Variants in TMEM163 observed in about 807,000 individuals in gnomAD.
TMEM163 encodes transmembrane protein 163.
A neutral mutation model predicts 29.3 loss-of-function variants in TMEM163; 17 were observed. That is an observed-to-expected ratio of 0.58 (90% CI 0.40 to 0.87). The LOEUF is 0.87. TMEM163 is among the 40% of genes least tolerant of loss of function. The probability of loss-of-function intolerance (pLI) is 0.00; values close to 1 mark genes in which losing one functional copy is unlikely to be tolerated. For synonymous variants in TMEM163, 157 were observed against 160.6 expected, an observed-to-expected ratio of 0.98 and a Z score of 0.17; for missense variants, 303 against 381.5, an observed-to-expected ratio of 0.79 and a Z score of 1.71.
intron 2 of TMEM163, among the ~76,000 whole-genome samples, chr2:134,580,421 C>A (rs1355836596): frequency 1.3e-5 from 2 of 152,160 alleles, no homozygotes; most frequent in African/African-American, 4.8e-5. Flanking sequence ...CTATGTGGTG[C>A]TATAAAGTGT....
At chr2:134,568,134 A>G (rs921505252) in intron 2 of TMEM163, among the ~76,000 whole-genome samples, 3 of 152,250 alleles carry the variant, frequency 2.0e-5, no homozygotes, top group Non-Finnish European at 2.9e-5. Context: ...TAACTGATAT[A>G]TTGTGGGGTG....
chr2:134,683,145 C>G (rs1198146423), intron 2 of TMEM163, among the ~76,000 whole-genome samples: 1 of 152,128 alleles, frequency 6.6e-6, no homozygotes, highest in African/African-American at 2.4e-5. Context: ...AGTGAAGATA[C>G]TCTACATGAT....
chr2:134,563,152 C>T (rs1467649893), intron 2 of TMEM163, among the ~76,000 whole-genome samples: 2 of 152,280 alleles, frequency 1.3e-5, no homozygotes, highest in East Asian at 1.9e-4. Context: ...AGACAGACAC[C>T]GATACAAGAA....
chr2:134,509,739 T>C (rs1189968325), intron 4 of TMEM163, among the ~76,000 whole-genome samples: 1 of 152,116 alleles, frequency 6.6e-6, no homozygotes, highest in African/African-American at 2.4e-5. Context: ...CTTGTGAATG[T>C]GAAAATAGGC....
At chr2:134,673,032 C>T (rs145795106) in intron 2 of TMEM163, among the ~76,000 whole-genome samples, 5 of 152,162 alleles carry the variant, frequency 3.3e-5, no homozygotes, top group Non-Finnish European at 5.9e-5. Flanking sequence ...CCAAAGGCAT[C>T]CCATCACCCA....
chr2:134,474,944 CA>C (rs1686882416), intron 5 of TMEM163, among the ~76,000 whole-genome samples: 1 of 152,100 alleles, frequency 6.6e-6, no homozygotes, highest in East Asian at 1.9e-4. Context: ...CACCCTAAGC[CA>C]AATCCCAGCA....
rs746035113 is a variant in TMEM163 at position 134,458,145 on chromosome 2, C to T, written c.696G>A (p.Met232Ile). 2 of 1,614,122 alleles carry T rather than the reference C, an allele frequency of 1.2e-6. No homozygotes were observed. The highest frequency in any genetic ancestry group is 2.2e-5 in the South Asian group (2 of 91,070). The stretch of plus-strand genomic sequence containing the variant: ...CCGCGCTCAGAAGAATGGAGAAGCC[C>T]ATCACGCCACCCACGAGGGAGTTAA... ...DGFNSLVGGV[M>I]GFSILLSAEV... Residue 232 changes from methionine to isoleucine, a missense_variant, in exon 7 of 8, where the codon ATG (methionine) becomes ATA (isoleucine). Coordinates refer to ENST00000281924, the MANE Select transcript of TMEM163 (RefSeq NM_030923.5).
intron 5 of TMEM163, among the ~76,000 whole-genome samples, chr2:134,475,405 G>A (rs1462751737): frequency 6.6e-6 from 1 of 152,092 alleles, no homozygotes; most frequent in Non-Finnish European, 1.5e-5. Flanking sequence ...AGCTAAAACT[G>A]TAAAACTAAA....
At chr2:134,506,954 A>G (rs1414581914) in intron 4 of TMEM163, among the ~76,000 whole-genome samples, 1 of 152,134 alleles carries the variant, frequency 6.6e-6, no homozygotes, top group Non-Finnish European at 1.5e-5. Context: ...TCCTGCCCCA[A>G]CTCTGGGGGA....
In TMEM163 at chr2:134,504,372, G is replaced by A. The variant is rs146987906; in HGVS notation, c.459-1375C>T. On this transcript the variant is annotated intron_variant, in intron 4 of 7. Transcript: ENST00000281924. ...GAAGGAAAAGGAATGAATGGGTTAG[G>A]AATCAGCACAGACTTGAGCAAATGA... 4.6e-3 allele frequency among the ~76,000 whole-genome samples: 693 copies of A among 152,224 alleles called. 4 individuals are homozygous for A. Among genetic ancestry groups the A allele is most frequent in the Non-Finnish European group, 6.8e-3 (461 of 68,010 alleles).
chr2:134,526,275 T>C (rs537505986), intron 4 of TMEM163, among the ~76,000 whole-genome samples: 3 of 152,328 alleles, frequency 2.0e-5, no homozygotes, highest in South Asian at 2.1e-4. Flanking sequence ...TCAGGACACA[T>C]TTAGCAGGAC....
At chr2:134,492,478 A>T (rs532984384) in intron 5 of TMEM163, among the ~76,000 whole-genome samples, 2 of 152,162 alleles carry the variant, frequency 1.3e-5, no homozygotes, top group African/African-American at 2.4e-5. Flanking sequence ...GTCACCCCCA[A>T]AAGTTTTCCC....
rs1446894301 is a variant in TMEM163 at position 134,643,269 on chromosome 2, C to A, written c.322+69931G>T. On this transcript the variant is annotated intron_variant, in intron 2 of 7. Coordinates refer to ENST00000281924, the MANE Select transcript of TMEM163 (RefSeq NM_030923.5). ...ATTGATCAATTCCTCCCTAAACTAC[C>A]AAACTTTACTCAAAATGAAAGAGAT... is the stretch of plus-strand genomic sequence containing the variant. Among the ~76,000 whole-genome samples the A allele has an allele frequency of 2.0e-5, 3 of 151,980 alleles. No individual in the cohort carries two copies. In the East Asian group the frequency reaches 5.8e-4, roughly 29 times the overall value.
chr2:134,470,313 C>T (rs1030166411), intron 5 of TMEM163, among the ~76,000 whole-genome samples: 2 of 150,318 alleles, frequency 1.3e-5, no homozygotes, highest in Non-Finnish European at 2.9e-5. Flanking sequence ...GCTGAGATAG[C>T]GCCACTGCAC....
chr2:134,646,571 C>A (rs11683004), intron 2 of TMEM163, among the ~76,000 whole-genome samples: 125,884 of 152,030 alleles, frequency 0.83, 53,278 homozygotes, highest in African/African-American at 0.96. Flanking sequence ...CAGCCTCCCA[C>A]GTAGCTGGGA....
intron 2 of TMEM163, among the ~76,000 whole-genome samples, chr2:134,693,496 C>A (rs2104885377): frequency 6.6e-6 from 1 of 151,610 alleles, no homozygotes; most frequent in Middle Eastern, 3.4e-3. Flanking sequence ...GTAATCCTGG[C>A]TACTCAGGAG....
At chr2:134,586,140 G>A (rs1029185520) in intron 2 of TMEM163, among the ~76,000 whole-genome samples, 2 of 152,246 alleles carry the variant, frequency 1.3e-5, no homozygotes, top group East Asian at 1.9e-4. Flanking sequence ...GATGGCACCT[G>A]TTGGAGAAAT....
chr2:134,534,750 T>C (rs1464771461), intron 4 of TMEM163, among the ~76,000 whole-genome samples: 1 of 151,428 alleles, frequency 6.6e-6, no homozygotes, highest in Non-Finnish European at 1.5e-5. Context: ...TGAGACTCCA[T>C]CTCAAAAATA....
At chr2:134,581,597 C>T (rs544834741) in intron 2 of TMEM163, among the ~76,000 whole-genome samples, 125 of 152,110 alleles carry the variant, frequency 8.2e-4, no homozygotes, top group South Asian at 2.1e-3. Context: ...CCCCCACTTA[C>T]AGGAGCTGGG....
Sources: allele counts gnomAD v4.1 joint callset (sites outside exome capture counted in the v4.1 genomes callset), GRCh38; gene constraint gnomAD v4.1.1; transcripts MANE v1.5; gene names NCBI Gene and HGNC (gene_info 2026-07-23, HGNC 2026-07-21).